The following CPB1 variants were observed in gnomAD, a reference collection of about 807,000 sequenced individuals.
CPB1 encodes the protein carboxypeptidase B1.
Under a neutral mutation model 51.4 loss-of-function variants are expected in CPB1, and 53 were observed. That is an observed-to-expected ratio of 1.03 (90% CI 0.83 to 1.30). The LOEUF (loss-of-function observed/expected upper bound fraction) is 1.30. Ranked by LOEUF, CPB1 falls within the 50% of genes most tolerant of loss-of-function variation. CPB1 has a pLI of 0.00. For synonymous variants in CPB1, 189 were observed against 186.9 expected, an observed-to-expected ratio of 1.01 and a Z score of -0.09; for missense variants, 494 against 516.2, an observed-to-expected ratio of 0.96 and a Z score of 0.42.
At chr3:148,846,756 CAT>C (rs10605556) in intron 9 of CPB1, among the ~76,000 whole-genome samples, 107,971 of 111,216 alleles carry the variant, frequency 0.97, 52,403 homozygotes, top group African/African-American at 0.99. Context: ...TATATATATA[CAT>C]ATATATATAT....
rs1713058768 is a variant in CPB1, at chr3:148,840,977, T to C, written c.474+2T>C. On this transcript the variant is annotated splice_donor_variant, in intron 5 of 10. Transcript: ENST00000282957. LOFTEE classifies it high-confidence loss of function. ...GGACGCGCTATTTACCTCCTGAAGG[T>C]AATCATTTTTAACCATGACCTTGCC... The C allele has an allele frequency of 6.2e-7, 1 of 1,611,824 alleles. No homozygotes were observed.
chr3:148,848,167 A>G (rs2108018404), intron 9 of CPB1, among the ~76,000 whole-genome samples: 1 of 152,308 alleles, frequency 6.6e-6, no homozygotes, highest in Middle Eastern at 3.4e-3. Flanking sequence ...CTCATTAACT[A>G]TAGTGCAATT....
chr3:148,846,797 G>GTGTGTATGTATA (rs1364486523), intron 9 of CPB1, among the ~76,000 whole-genome samples: 1 of 50,542 alleles, frequency 2.0e-5, no homozygotes, highest in African/African-American at 5.6e-5. Flanking sequence ...GTGTGCGTGT[G>GTGTGTATGTATA]TATATATATA....
Position 148,828,013 on chromosome 3 carries a change from TC to T in CPB1, c.85del (p.Arg29ValfsTer12). The T allele has an allele frequency of 1.9e-6, 3 of 1,614,132 alleles. No individual in the cohort carries two copies. Among genetic ancestry groups the T allele is most frequent in the South Asian group, 1.1e-5 (1 of 91,066 alleles). Reference sequence around the variant, plus strand: ...ATCTCATTATTCAGCGAGAAGGTGTTCCGTGTTAACGTTGAAGATGAAAATC... The same window carrying T: ...ATCTCATTATTCAGCGAGAAGGTGTTCGTGTTAACGTTGAAGATGAAAATC... Reference protein sequence around the residue: ...GGEHFEGEKVFRVNVEDENHI... With the variant: ...GGEHFEGEKVXRVNVEDENHI... On this transcript the variant is annotated frameshift_variant, in exon 2 of 11. Coordinates refer to ENST00000282957, the MANE Select transcript of CPB1 (RefSeq NM_001871.3). LOFTEE classifies it high-confidence loss of function.
At chr3:148,859,032 T>C (rs1713675927) in intron 10 of CPB1, among the ~76,000 whole-genome samples, 1 of 152,180 alleles carries the variant, frequency 6.6e-6, no homozygotes, top group Non-Finnish European at 1.5e-5. Flanking sequence ...CATACTGTTT[T>C]CTTAAGGGGT....
At chr3:148,857,238 A>C in intron 9 of CPB1, 1 of 438,578 alleles carries the variant, frequency 2.3e-6, no homozygotes, top group Non-Finnish European at 4.1e-6. Flanking sequence ...GCTCAGAGTG[A>C]ATGCTTGGGG....
intron 9 of CPB1, among the ~76,000 whole-genome samples, chr3:148,847,114 A>C (rs867582008): frequency 1.3e-5 from 2 of 151,304 alleles, no homozygotes; most frequent in South Asian, 4.2e-4. Context: ...AAAACACATT[A>C]AGGGTAGCAA....
At chr3:148,847,632 A>G (rs1332978144) in intron 9 of CPB1, among the ~76,000 whole-genome samples, 1 of 152,130 alleles carries the variant, frequency 6.6e-6, no homozygotes, top group East Asian at 1.9e-4. Context: ...ACTATTCAAA[A>G]TCCTGTCCTC....
intron 9 of CPB1, among the ~76,000 whole-genome samples, chr3:148,848,066 A>C (rs1299393530): frequency 6.6e-6 from 1 of 152,138 alleles, no homozygotes; most frequent in Non-Finnish European, 1.5e-5. Context: ...AGCAACTTTA[A>C]TATTTTGAGT....
intron 9 of CPB1, chr3:148,855,678 T>C (rs1713552103): frequency 6.6e-6 from 1 of 152,216 alleles, no homozygotes; most frequent in Non-Finnish European, 1.5e-5. Flanking sequence ...CTTTATATGT[T>C]TGGAACTAAT....
At chr3:148,846,668 G>A (rs1713247647) in intron 9 of CPB1, among the ~76,000 whole-genome samples, 1 of 146,720 alleles carries the variant, frequency 6.8e-6, no homozygotes, top group African/African-American at 2.5e-5. Context: ...TAGTTGGATG[G>A]GCCCTTTTCT....
Position 148,852,106 on chromosome 3 carries a change from C to T in CPB1, c.982-5351C>T, listed in dbSNP as rs568536029. ...TGGGAATAAAGTGATGTTTTAGCAA[C>T]AGTGACCTAGCAGAGGTGTTTAAAA... On this transcript the variant is annotated intron_variant, in intron 9 of 10. Transcript: ENST00000282957. Among the ~76,000 whole-genome samples, 48 of 152,314 alleles carry T rather than the reference C, an allele frequency of 3.2e-4. No homozygotes were observed. The South Asian group carries it at 4.4e-3, about 14-fold the overall frequency.
At chr3:148,829,397 T>G (rs79979623) in intron 2 of CPB1, among the ~76,000 whole-genome samples, 3,157 of 152,304 alleles carry the variant, frequency 0.021, 115 homozygotes, top group African/African-American at 0.072. Flanking sequence ...TAAGATTCTT[T>G]TTAGCATCTT....
chr3:148,834,838 T>C (rs1045894369), intron 3 of CPB1, among the ~76,000 whole-genome samples: 8 of 152,192 alleles, frequency 5.3e-5, no homozygotes, highest in Admixed American at 3.9e-4. Context: ...AAAATGGTTT[T>C]TATTCTTGAC....
At chr3:148,856,367 C>G (rs543371795) in intron 9 of CPB1, 23 of 152,292 alleles carry the variant, frequency 1.5e-4, no homozygotes, top group African/African-American at 4.6e-4. Flanking sequence ...TACGGCCACG[C>G]CCTCATCAGT....
intron 9 of CPB1, among the ~76,000 whole-genome samples, chr3:148,853,736 A>G (rs548078935): frequency 6.6e-6 from 1 of 152,346 alleles, no homozygotes; most frequent in South Asian, 2.1e-4. Context: ...CCAAGGCCAC[A>G]AGGAGAAGTG....
chr3:148,860,018 G>C lies in CPB1; in HGVS notation c.*16G>C, dbSNP rs1383015338. On this transcript the variant is annotated 3_prime_UTR_variant, in exon 11 of 11. Coordinates refer to ENST00000282957, the MANE Select transcript of CPB1 (RefSeq NM_001871.3). Reference sequence around the variant, plus strand: ...CCTGTACTAGTTGAGAAAGCTGATGGCCTTGTTTCAAAATTCTCATTTTTC... The same window carrying C: ...CCTGTACTAGTTGAGAAAGCTGATGCCCTTGTTTCAAAATTCTCATTTTTC... 16 of 1,584,640 alleles carry C rather than the reference G, an allele frequency of 1.0e-5. No individual in the cohort carries two copies. Among genetic ancestry groups the C allele is most frequent in the Admixed American group, 3.7e-5 (2 of 54,254 alleles).
At chr3:148,850,831 T>A (rs1480919345) in intron 9 of CPB1, 1 of 152,192 alleles carries the variant, frequency 6.6e-6, no homozygotes, top group Non-Finnish European at 1.5e-5. Flanking sequence ...CCAGGCAGGC[T>A]TAGGTGAACA....
chr3:148,835,922 C>T (rs1712891517), intron 3 of CPB1, among the ~76,000 whole-genome samples: 1 of 152,106 alleles, frequency 6.6e-6, no homozygotes, highest in Non-Finnish European at 1.5e-5. Flanking sequence ...CAAGTAAAGG[C>T]TTTGGGAAAA....
Sources: allele counts gnomAD v4.1 joint callset (sites outside exome capture counted in the v4.1 genomes callset), GRCh38; gene constraint gnomAD v4.1.1; transcripts MANE v1.5; gene names NCBI Gene and HGNC (gene_info 2026-07-23, HGNC 2026-07-21).